Variants in STXBP5 observed in about 807,000 individuals in gnomAD.
STXBP5 encodes the protein syntaxin binding protein 5.
In STXBP5, 50 loss-of-function variants were observed where a neutral mutation model predicts 152.4. That is an observed-to-expected ratio of 0.33 (90% CI 0.26 to 0.42). The LOEUF (loss-of-function observed/expected upper bound fraction) is 0.42, where lower values mean the gene tolerates loss of function less well. Ranked by LOEUF, STXBP5 falls within the 10% of genes least tolerant of loss-of-function variation. The probability of loss-of-function intolerance (pLI) is 1.00; values close to 1 mark genes in which losing one functional copy is unlikely to be tolerated. For missense variants in STXBP5, 1,167 were observed against 1,388.6 expected (o/e 0.84, Z 2.54); for synonymous variants, 492 against 494.7 (o/e 0.99, Z 0.07).
intron 10 of STXBP5, among the ~76,000 whole-genome samples, chr6:147,310,774 T>A (rs951150527): frequency 2.0e-5 from 3 of 152,180 alleles, no homozygotes; most frequent in Non-Finnish European, 4.4e-5. Flanking sequence ...TTTAAGACGT[T>A]AAACTGACTG....
chr6:147,346,923 A>G (rs1228224301), intron 21 of STXBP5, among the ~76,000 whole-genome samples: 2 of 152,162 alleles, frequency 1.3e-5, no homozygotes, highest in Non-Finnish European at 2.9e-5. Flanking sequence ...GGTGAGCCCC[A>G]CGTTTCTCCC....
At chr6:147,263,230 G>C (rs150110223) in intron 6 of STXBP5, among the ~76,000 whole-genome samples, 1 of 151,788 alleles carries the variant, frequency 6.6e-6, no homozygotes, top group Admixed American at 6.6e-5. Flanking sequence ...TAAAAGCCAA[G>C]CCTTTCAATG....
rs150391452 is a variant in STXBP5 at position 147,289,839 on chromosome 6, G to T, written c.839-1255G>T. Among the ~76,000 whole-genome samples the T allele has an allele frequency of 8.1e-3, 1,237 of 152,130 alleles. 18 individuals carry two copies. Among genetic ancestry groups the T allele is most frequent in the African/African-American group, 0.029 (1,187 of 41,494 alleles). Reference sequence around the variant, plus strand: ...CCTATCTAGAATAAAACTTTACCCAGATATACTATATGCCAAACAATGTTT... The same window carrying T: ...CCTATCTAGAATAAAACTTTACCCATATATACTATATGCCAAACAATGTTT... On this transcript the variant is annotated intron_variant, in intron 8 of 27. Coordinates refer to ENST00000321680, the MANE Select transcript of STXBP5 (RefSeq NM_001127715.4).
intron 21 of STXBP5, among the ~76,000 whole-genome samples, chr6:147,343,556 T>C (rs1418106867): frequency 6.6e-6 from 1 of 152,152 alleles, no homozygotes; most frequent in Non-Finnish European, 1.5e-5. Context: ...GACTTAGGAC[T>C]GGAATCCAGG....
intron 6 of STXBP5, among the ~76,000 whole-genome samples, chr6:147,265,199 A>C (rs1288749283): frequency 6.6e-6 from 1 of 152,084 alleles, no homozygotes; most frequent in Non-Finnish European, 1.5e-5. Flanking sequence ...CCTAGGAAAG[A>C]AGAGATAAGG....
intron 7 of STXBP5, among the ~76,000 whole-genome samples, chr6:147,272,879 A>G (rs1780245167): frequency 6.6e-6 from 1 of 151,904 alleles, no homozygotes; most frequent in South Asian, 2.1e-4. Context: ...CATAGTTATT[A>G]TTTTTTTAAT....
At chr6:147,353,829 A>G (rs1219170801) in intron 22 of STXBP5, among the ~76,000 whole-genome samples, 3 of 152,186 alleles carry the variant, frequency 2.0e-5, no homozygotes, top group Non-Finnish European at 4.4e-5. Context: ...TTTTGATTAT[A>G]ATAAGTTGGG....
intron 4 of STXBP5, among the ~76,000 whole-genome samples, chr6:147,250,631 C>A (rs915867697): frequency 6.6e-6 from 1 of 152,056 alleles, no homozygotes; most frequent in Non-Finnish European, 1.5e-5. Flanking sequence ...TAACCTATAT[C>A]CATCCCACCT....
intron 26 of STXBP5, among the ~76,000 whole-genome samples, chr6:147,381,666 A>G (rs1786089248): frequency 6.6e-6 from 1 of 152,186 alleles, no homozygotes; most frequent in African/African-American, 2.4e-5. Context: ...AAGCAAAATA[A>G]CACCTTATCC....
intron 18 of STXBP5, chr6:147,328,686 T>C (rs1473522095): frequency 4.3e-6 from 2 of 469,166 alleles, no homozygotes; most frequent in East Asian, 7.0e-5. Flanking sequence ...CCGCTTTTCA[T>C]TGCTTCACTA....
chr6:147,380,979 G>A (rs545888533), intron 26 of STXBP5, among the ~76,000 whole-genome samples: 1 of 152,254 alleles, frequency 6.6e-6, no homozygotes, highest in Non-Finnish European at 1.5e-5. Flanking sequence ...AATCATGGCG[G>A]AAGACCAAGG....
intron 1 of STXBP5, 21 bp from the exon 2 acceptor site, chr6:147,205,950 A>G (rs762625309): frequency 1.9e-6 from 3 of 1,599,192 alleles, no homozygotes; most frequent in Non-Finnish European, 2.6e-6. Context: ...GGTTGCTGTG[A>G]TGTCACTTGC....
intron 7 of STXBP5, among the ~76,000 whole-genome samples, chr6:147,274,908 T>G (rs1239425672): frequency 6.6e-6 from 1 of 152,090 alleles, no homozygotes; most frequent in Admixed American, 6.5e-5. Context: ...AGCAGCTGGA[T>G]TAGGATTTAT....
At chr6:147,265,437 A>T (rs117403343) in intron 6 of STXBP5, among the ~76,000 whole-genome samples, 1 of 152,122 alleles carries the variant, frequency 6.6e-6, no homozygotes. Context: ...ACTATGTATT[A>T]GGAAGTGTAT....
At chr6:147,234,508 T>C (rs549491350) in intron 2 of STXBP5, among the ~76,000 whole-genome samples, 1 of 152,060 alleles carries the variant, frequency 6.6e-6, no homozygotes, top group African/African-American at 2.4e-5. Flanking sequence ...AATTTCTTTG[T>C]ACTTCAGTTT....
chr6:147,270,549 G>T (rs1177206021), intron 7 of STXBP5, among the ~76,000 whole-genome samples: 2 of 150,458 alleles, frequency 1.3e-5, no homozygotes, highest in African/African-American at 4.9e-5. Context: ...CAAAAATAAA[G>T]GCAAAATAAA....
intron 8 of STXBP5, among the ~76,000 whole-genome samples, chr6:147,281,620 T>C (rs1404914117): frequency 6.6e-6 from 1 of 152,244 alleles, no homozygotes; most frequent in African/African-American, 2.4e-5. Flanking sequence ...CTTTTTCTTA[T>C]TTAAGTTCAT....
chr6:147,381,236 T>C (rs1400954827), intron 26 of STXBP5, among the ~76,000 whole-genome samples: 1 of 152,082 alleles, frequency 6.6e-6, no homozygotes, highest in Non-Finnish European at 1.5e-5. Context: ...TCAATAGATA[T>C]TTATCCAAAG....
chr6:147,313,715 T>G (rs191039871), intron 11 of STXBP5, among the ~76,000 whole-genome samples, 169 bp from the exon 12 acceptor site: 1 of 152,192 alleles, frequency 6.6e-6, no homozygotes, highest in Non-Finnish European at 1.5e-5. Context: ...ACTATTCTAA[T>G]TGAGCAATTT....
Sources: allele counts gnomAD v4.1 joint callset (sites outside exome capture counted in the v4.1 genomes callset), GRCh38; gene constraint gnomAD v4.1.1; transcripts MANE v1.5; gene names NCBI Gene and HGNC (gene_info 2026-07-23, HGNC 2026-07-21).